The following SIGIRR variants were observed in gnomAD, a reference collection of about 807,000 sequenced individuals.
SIGIRR encodes the protein single Ig and TIR domain containing.
A neutral mutation model predicts 45.6 loss-of-function variants in SIGIRR; 41 were observed. That is an observed-to-expected ratio of 0.90 (90% CI 0.70 to 1.17). The LOEUF (loss-of-function observed/expected upper bound fraction) is 1.17. Ranked by LOEUF, SIGIRR falls within the 50% of genes most tolerant of loss-of-function variation. The pLI is 0.00. For synonymous variants in SIGIRR, 298 were observed against 239.0 expected (o/e 1.25, Z -2.28); for missense variants, 599 against 539.6 (o/e 1.11, Z -1.09).
At chr11:406,139 C>G in intron 9 of SIGIRR, 80 bp from the exon 10 acceptor site, 1 of 1,539,052 alleles carries the variant, frequency 6.5e-7, no homozygotes, top group Non-Finnish European at 8.7e-7. Context: ...TGCCCCTGCT[C>G]ACCCCCTGCT....
rs1847403461 is a variant in SIGIRR at position 407,587 on chromosome 11, C to CA, written c.482-20dup. On this transcript the variant is annotated intron_variant, in intron 5 of 9. Transcript: ENST00000431843. ...TTCCCGTCTGCGGACGGCGGCCAGT[C>CA]ACCCCGATGGCTCCCGAGGCCTCAC... is the stretch of plus-strand genomic sequence containing the variant. The CA allele has an allele frequency of 1.2e-6, 2 of 1,603,966 alleles. No individual in the cohort carries two copies. Among genetic ancestry groups the CA allele is most frequent in the Non-Finnish European group, 1.7e-6 (2 of 1,174,806 alleles).
chr11:407,998 C>T lies in SIGIRR; in HGVS notation c.341-41G>A, dbSNP rs759294875. 4.4e-6 allele frequency: 7 copies of T among 1,603,380 alleles called. No individual in the cohort carries two copies. The East Asian group carries it at 1.6e-4, about 36-fold the overall frequency. On this transcript the variant is annotated intron_variant, in intron 4 of 9. Transcript: ENST00000431843. The stretch of plus-strand genomic sequence containing the variant: ...CTGAGCCGCTGCCCCTCCAGCAGCC[C>T]CCAAGCCTCAAGATCCCTGGGCCTC...
chr11:407,202 G>A (rs1447588076), intron 6 of SIGIRR, 38 bp from the exon 7 acceptor site: 10 of 993,716 alleles, frequency 1.0e-5, no homozygotes, highest in Non-Finnish European at 1.4e-5. Context: ...AGGGGCGGGG[G>A]CGGGGGAGGG....
In SIGIRR at chr11:407,121, G is replaced by C; in HGVS notation, c.669C>G (p.Arg223=). 1 of 1,529,668 alleles carries C rather than the reference G, an allele frequency of 6.5e-7. No homozygotes were observed. Among genetic ancestry groups the C allele is most frequent in the Non-Finnish European group, 8.7e-7 (1 of 1,143,762 alleles). The allele number at this position is 1,529,668 out of a possible 1,614,324, so 94.8% of individuals were successfully genotyped here. The change falls in exon 7 of 10, where the codon CGC becomes CGG. Residue 223 remains arginine (R), a synonymous_variant. Coordinates refer to ENST00000431843, the MANE Select transcript of SIGIRR (RefSeq NM_001135054.2). ...AGGCGTCCGAAAGCACCACGATGAGGCGTCGGCAGCGGCTCAGGTTCACCA... is the reference window on the plus strand; with the variant it reads ...AGGCGTCCGAAAGCACCACGATGAGCCGTCGGCAGCGGCTCAGGTTCACCA... ...DLLVNLSRCR[R]LIVVLSDAFL...
chr11:406,018 G>T lies in SIGIRR; in HGVS notation c.1111C>A (p.His371Asn), dbSNP rs150234563. 1,162 of 1,608,176 alleles carry T rather than the reference G, an allele frequency of 7.2e-4. 10 individuals are homozygous for T. The African/African-American group carries it at 0.014, about 20-fold the overall frequency. ...TCTCCCAGCGAGACCCCACTGGTGTGCGGTGGAGCTGATGGCTCTCCAAAG... is the reference window on the plus strand; with the variant it reads ...TCTCCCAGCGAGACCCCACTGGTGTTCGGTGGAGCTGATGGCTCTCCAAAG... Reference protein sequence around the residue: ...PVFGEPSAPPHTSGVSLGESR... With the variant: ...PVFGEPSAPPNTSGVSLGESR... Residue 371 changes from histidine to asparagine, a missense_variant, in exon 10 of 10, where the codon CAC (histidine) becomes AAC (asparagine). Transcript: ENST00000431843.
chr11:413,702 C>G (rs1468927676), intron 1 of SIGIRR, among the ~76,000 whole-genome samples: 1 of 141,292 alleles, frequency 7.1e-6, no homozygotes, highest in Admixed American at 7.0e-5. Flanking sequence ...CCTGCAAACC[C>G]TCCCCTGCAC....
chr11:413,354 G>A (rs1308214989), intron 1 of SIGIRR, among the ~76,000 whole-genome samples: 1 of 151,944 alleles, frequency 6.6e-6, no homozygotes, highest in Non-Finnish European at 1.5e-5. Flanking sequence ...CCTTTGCGGT[G>A]GAGGACACTC....
upstream of SIGIRR, among the ~76,000 whole-genome samples, chr11:415,325 T>C (rs1329969582): frequency 6.1e-5 from 8 of 131,626 alleles, no homozygotes; most frequent in African/African-American, 8.8e-5. The surrounding 1 kb of genome is among the most constrained non-coding windows in gnomAD (Gnocchi z 6.6). Flanking sequence ...GTGTGTGTTG[T>C]GGGGTGGGGG....
chr11:407,685 A>ACC lies in SIGIRR; in HGVS notation c.482-119_482-118dup. The ACC allele has an allele frequency of 3.9e-6, 6 of 1,556,366 alleles. 1 individual carries two copies. The South Asian group carries it at 7.1e-5, about 18-fold the overall frequency. ...AGGGGCAGACCCGCCCCGGACTTTA[A>ACC]CCCCAGCCGGGCCGCACAGAGCACC... On this transcript the variant is annotated intron_variant, in intron 5 of 9. Coordinates refer to ENST00000431843, the MANE Select transcript of SIGIRR (RefSeq NM_001135054.2).
At chr11:408,931 G>C in intron 2 of SIGIRR, 38 bp from the exon 3 acceptor site, 1 of 1,593,046 alleles carries the variant, frequency 6.3e-7, no homozygotes, top group African/African-American at 1.3e-5. Flanking sequence ...CTGTGCCAGG[G>C]TGCCTGGCCC....
In SIGIRR at chr11:406,387, A is replaced by C. The variant is rs533489165; in HGVS notation, c.1031T>G (p.Leu344Arg). 1.2e-5 allele frequency: 20 copies of C among 1,612,648 alleles called. No homozygotes were observed. In the East Asian group the frequency reaches 4.2e-4, roughly 34 times the overall value. The change falls in exon 9 of 10, where the codon CTG becomes CGG. Residue 344 changes from leucine (L) to arginine (R), a missense_variant. Transcript: ENST00000431843. ...AGGGTCCGGGTCCACCTCTGAGTCCAGGGCCCGGCCCTCAGGGACTCGGCC... is the reference window on the plus strand; with the variant it reads ...AGGGTCCGGGTCCACCTCTGAGTCCCGGGCCCGGCCCTCAGGGACTCGGCC... ...LRGRVPEGRALDSEVDPDPEG... is the reference protein window; with the variant it reads ...LRGRVPEGRARDSEVDPDPEG...
At chr11:407,667 G>T in intron 5 of SIGIRR, 99 bp from the exon 6 acceptor site, 1 of 1,555,158 alleles carries the variant, frequency 6.4e-7, no homozygotes, top group Non-Finnish European at 8.7e-7. Flanking sequence ...CACAGGGGCA[G>T]ACCCGCCCCG....
chr11:405,844 G>A lies in SIGIRR; in HGVS notation c.*52C>T. The A allele has an allele frequency of 1.3e-6, 2 of 1,534,804 alleles. No homozygotes were observed. Among genetic ancestry groups the A allele is most frequent in the Non-Finnish European group, 1.8e-6 (2 of 1,135,134 alleles). On this transcript the variant is annotated 3_prime_UTR_variant, in exon 10 of 10. Transcript: ENST00000431843. ...TGGTCCTGTTGAGCAGAGGAGCGAC[G>A]CCGCTGCCCTGGCCCCCGCTGTCCC...
Position 407,898 on chromosome 11 carries a change from G to GCAGCAGGGC in SIGIRR, c.391_399dup (p.Ala131_Leu133dup), listed in dbSNP as rs780979670. 5.0e-5 allele frequency: 80 copies of GCAGCAGGGC among 1,612,428 alleles called. No homozygotes were observed. The South Asian group carries it at 8.1e-4, about 16-fold the overall frequency. ...CACTTGACATAGAGCAGGGCGGCCA[G>GCAGCAGGGC]CAGCAGGGCCAGCAGGACCAGGAGG... On this transcript the variant is annotated inframe_insertion, in exon 5 of 10. Transcript: ENST00000431843.
At position 407,390 on chromosome 11, in the gene SIGIRR, CGGGTGGGCGGGGCACG is replaced by C; in HGVS notation, c.625+19_625+34del. 9.9e-7 allele frequency: 1 copy of C among 1,005,368 alleles called. No homozygotes were observed. The highest frequency in any genetic ancestry group is 1.3e-6 in the Non-Finnish European group (1 of 778,024). 62.3% of individuals were successfully genotyped at this position (1,005,368 alleles called of 1,614,324 possible). ...ATGGGGCGGGGCGGGGCGGGCCCTCCGGGTGGGCGGGGCACGGGGTGGGGCCCGGGATACCAGCGCG... is the reference window on the plus strand; with the variant it reads ...ATGGGGCGGGGCGGGGCGGGCCCTCCGGGTGGGGCCCGGGATACCAGCGCG... On this transcript the variant is annotated intron_variant, in intron 6 of 9. Coordinates refer to ENST00000431843, the MANE Select transcript of SIGIRR (RefSeq NM_001135054.2).
upstream of SIGIRR, among the ~76,000 whole-genome samples, chr11:417,100 C>T (rs960744332): frequency 6.6e-6 from 1 of 152,194 alleles, no homozygotes; most frequent in Non-Finnish European, 1.5e-5. The surrounding 1 kb of genome is among the most constrained non-coding windows in gnomAD (Gnocchi z 4.2). Context: ...GGCCCCCGCC[C>T]CCTTCGCCCA....
upstream of SIGIRR, among the ~76,000 whole-genome samples, chr11:415,575 A>G (rs1292964656): frequency 1.3e-5 from 2 of 152,178 alleles, no homozygotes; most frequent in Non-Finnish European, 2.9e-5. The surrounding 1 kb of genome is among the most constrained non-coding windows in gnomAD (Gnocchi z 6.6). Context: ...GGGCTCCAGC[A>G]GAACTCTTCC....
Position 414,922 on chromosome 11 carries a change from A to G in SIGIRR, c.-253T>C. On this transcript the variant is annotated 5_prime_UTR_variant, in exon 1 of 10. Transcript: ENST00000431843. ...CTGGGCCCCAGGGAGTGTCCACAGCACCAAGGCTGCTATGGATGCATCGCC... is the reference window on the plus strand; with the variant it reads ...CTGGGCCCCAGGGAGTGTCCACAGCGCCAAGGCTGCTATGGATGCATCGCC... The G allele has an allele frequency of 1.0e-6, 1 of 978,510 alleles. No individual in the cohort carries two copies. The highest frequency in any genetic ancestry group is 1.2e-6 in the Non-Finnish European group (1 of 823,616). 60.6% of individuals were successfully genotyped at this position (978,510 alleles called of 1,614,324 possible). A position where few individuals can be genotyped will look rare whatever the true frequency, so the allele number is the denominator to read the frequency against.
chr11:413,342 G>A (rs1437730906), intron 1 of SIGIRR, among the ~76,000 whole-genome samples: 1 of 152,046 alleles, frequency 6.6e-6, no homozygotes, highest in Admixed American at 6.5e-5. Context: ...CCTTGAAGAA[G>A]TCCTTTGCGG....
Sources: allele counts gnomAD v4.1 joint callset (sites outside exome capture counted in the v4.1 genomes callset), GRCh38; gene constraint gnomAD v4.1.1; non-coding constraint Gnocchi (gnomAD v3.1); transcripts MANE v1.5; gene names NCBI Gene and HGNC (gene_info 2026-07-23, HGNC 2026-07-21).